The following CDYL variants were observed in gnomAD, a reference collection of about 807,000 sequenced individuals.
CDYL encodes chromodomain Y like, also known as chromodomain Y-like protein.
CDYL carries 8 observed loss-of-function variants against 47.3 expected under a neutral mutation model. That is an observed-to-expected ratio of 0.17 (90% CI 0.10 to 0.31). The LOEUF is 0.31. CDYL is among the 10% of genes least tolerant of loss of function. CDYL has a pLI of 1.00. For synonymous variants in CDYL, 266 were observed against 265.0 expected (o/e 1.00, Z -0.04); for missense variants, 471 against 701.4 (o/e 0.67, Z 3.71).
chr6:4,806,123 C>T (rs1759363412), intron 1 of CDYL, among the ~76,000 whole-genome samples: 1 of 152,234 alleles, frequency 6.6e-6, no homozygotes, highest in South Asian at 2.1e-4. Flanking sequence ...ACAGAGTGGC[C>T]ATCCACAAAG....
intron 1 of CDYL, among the ~76,000 whole-genome samples, chr6:4,816,233 G>T (rs997962971): frequency 1.3e-5 from 2 of 150,632 alleles, no homozygotes; most frequent in Non-Finnish European, 2.9e-5. Flanking sequence ...CATCAAGCAC[G>T]CAAATCTCTC....
chr6:4,830,363 A>T (rs938898829), intron 1 of CDYL, among the ~76,000 whole-genome samples: 1 of 152,230 alleles, frequency 6.6e-6, no homozygotes, highest in Non-Finnish European at 1.5e-5. Context: ...CTCTTCTGCC[A>T]TAAGTACAGA....
At chr6:4,818,492 C>T (rs567078835) in intron 1 of CDYL, among the ~76,000 whole-genome samples, 142 of 152,118 alleles carry the variant, frequency 9.3e-4, no homozygotes, top group African/African-American at 3.2e-3. Context: ...ATTGTGCGGA[C>T]CTTGGGGGTG....
intron 2 of CDYL, among the ~76,000 whole-genome samples, chr6:4,929,093 G>A (rs1227423279): frequency 6.6e-6 from 1 of 152,148 alleles, no homozygotes; most frequent in Non-Finnish European, 1.5e-5. Flanking sequence ...TCTGCCTGAA[G>A]AACATTTTTT....
chr6:4,887,989 A>G (rs894799047), intron 1 of CDYL, among the ~76,000 whole-genome samples: 4 of 151,662 alleles, frequency 2.6e-5, no homozygotes, highest in African/African-American at 9.7e-5. Flanking sequence ...TTGATGTGGC[A>G]TATGAATGTT....
At chr6:4,879,906 CA>C (rs1277856344) in intron 1 of CDYL, among the ~76,000 whole-genome samples, 1 of 152,106 alleles carries the variant, frequency 6.6e-6, no homozygotes, top group Non-Finnish European at 1.5e-5. Context: ...TTCAAATTCT[CA>C]GCAAAATTGG....
intron 2 of CDYL, among the ~76,000 whole-genome samples, chr6:4,727,878 T>A (rs1757543673): frequency 6.6e-6 from 1 of 152,140 alleles, no homozygotes; most frequent in Admixed American, 6.5e-5. Flanking sequence ...TTCTGTGGTT[T>A]AGGACTGGTT....
intron 1 of CDYL, among the ~76,000 whole-genome samples, chr6:4,782,106 C>T (rs188625974): frequency 1.5e-3 from 231 of 152,046 alleles, no homozygotes; most frequent in Non-Finnish European, 2.6e-3. Flanking sequence ...GAGGAGCTCT[C>T]GGTGGACCAG....
intron 2 of CDYL, among the ~76,000 whole-genome samples, chr6:4,904,120 C>T (rs1561699851): frequency 2.6e-5 from 4 of 152,216 alleles, no homozygotes; most frequent in Admixed American, 1.3e-4. Flanking sequence ...CCGGGCCCCT[C>T]GCAGTGTTGA....
At chr6:4,769,558 A>C (rs1011885019) in intron 3 of CDYL, among the ~76,000 whole-genome samples, 3 of 152,196 alleles carry the variant, frequency 2.0e-5, no homozygotes, top group African/African-American at 7.2e-5. Flanking sequence ...AATTGCGTAA[A>C]AGTCAAAATG....
At chr6:4,885,530 C>T (rs937140242) in intron 1 of CDYL, among the ~76,000 whole-genome samples, 1 of 152,156 alleles carries the variant, frequency 6.6e-6, no homozygotes, top group African/African-American at 2.4e-5. Flanking sequence ...AGTATATCCC[C>T]CACTGATAAG....
intron 1 of CDYL, among the ~76,000 whole-genome samples, chr6:4,780,796 A>G (rs554048633): frequency 2.2e-4 from 33 of 152,328 alleles, no homozygotes; most frequent in African/African-American, 7.7e-4. Context: ...CTCAAGATTT[A>G]GGATTTGAAA....
rs549098905 is a variant in CDYL at position 4,883,071 on chromosome 6, C to T, written c.25-8642C>T. 4.6e-4 allele frequency among the ~76,000 whole-genome samples: 70 copies of T among 152,296 alleles called. No individual in the cohort carries two copies. In the South Asian group the frequency reaches 0.014, roughly 31 times the overall value. ...TGTAAGCGACCTAAAATTGCCTTGT[C>T]CCTCTTGCATCTGGCCCTTGCTTAC... is the stretch of plus-strand genomic sequence containing the variant. On this transcript the variant is annotated intron_variant, in intron 1 of 6. Coordinates refer to ENST00000397588, the MANE Select transcript of CDYL (RefSeq NM_004824.4).
At chr6:4,937,401 C>T (rs920764850) in intron 3 of CDYL, among the ~76,000 whole-genome samples, 164 bp from the exon 4 acceptor site, 4 of 152,010 alleles carry the variant, frequency 2.6e-5, no homozygotes, top group South Asian at 2.1e-4. Context: ...GAGGCGGAGG[C>T]GGGAGGATTG....
At chr6:4,853,417 T>A (rs1760910947) in intron 1 of CDYL, among the ~76,000 whole-genome samples, 1 of 152,174 alleles carries the variant, frequency 6.6e-6, no homozygotes. Flanking sequence ...ATCCAGGACT[T>A]CCAACTGCGG....
intron 2 of CDYL, chr6:4,715,970 C>G: frequency 6.6e-7 from 1 of 1,522,838 alleles, no homozygotes; most frequent in Non-Finnish European, 8.8e-7. Context: ...TTTTACTGGC[C>G]GGGCACGGTG....
chr6:4,742,641 C>G (rs1216964884), intron 3 of CDYL, among the ~76,000 whole-genome samples: 1 of 152,214 alleles, frequency 6.6e-6, no homozygotes, highest in African/African-American at 2.4e-5. Flanking sequence ...TAGCAATGAT[C>G]AAATCCTGCT....
intron 1 of CDYL, among the ~76,000 whole-genome samples, chr6:4,835,342 A>T (rs2127455912): frequency 6.6e-6 from 1 of 152,260 alleles, no homozygotes; most frequent in African/African-American, 2.4e-5. Context: ...TCCACTCCAG[A>T]CCCTGTTTGC....
chr6:4,905,374 G>C (rs1561700675), intron 2 of CDYL, among the ~76,000 whole-genome samples: 1 of 152,202 alleles, frequency 6.6e-6, no homozygotes, highest in Non-Finnish European at 1.5e-5. Flanking sequence ...GTGGGTGCCT[G>C]CCTCTCCTCC....
Sources: allele counts gnomAD v4.1 joint callset (sites outside exome capture counted in the v4.1 genomes callset), GRCh38; gene constraint gnomAD v4.1.1; transcripts MANE v1.5; gene names NCBI Gene and HGNC (gene_info 2026-07-23, HGNC 2026-07-21).